TES: variants seen among roughly 807,000 people sequenced by gnomAD.
TES encodes testin LIM domain protein, also known as testin.
A neutral mutation model predicts 48.2 loss-of-function variants in TES; 41 were observed. The ratio of observed to expected loss-of-function variants is 0.85; its 90% CI spans 0.66 to 1.10. TES has a LOEUF of 1.10. TES is among the 50% of genes least tolerant of loss of function. The probability of loss-of-function intolerance (pLI) is 0.00; values close to 1 mark genes in which losing one functional copy is unlikely to be tolerated. For missense variants in TES, 463 were observed against 515.1 expected, an observed-to-expected ratio of 0.90 and a Z score of 0.98; for synonymous variants, 162 against 174.9, an observed-to-expected ratio of 0.93 and a Z score of 0.58.
intron 1 of TES, among the ~76,000 whole-genome samples, chr7:116,226,206 T>C (rs1293521333): frequency 1.3e-5 from 2 of 152,240 alleles, no homozygotes; most frequent in African/African-American, 4.8e-5. Flanking sequence ...TCTAGCACTA[T>C]TGTAAATCTC....
At chr7:116,251,679 T>C (rs1450806130) in intron 4 of TES, 81 bp from the exon 5 acceptor site, 1 of 1,281,358 alleles carries the variant, frequency 7.8e-7, no homozygotes, top group Non-Finnish European at 1.1e-6. Context: ...TGAGACTCAG[T>C]CTCAAAAAAA....
intron 1 of TES, chr7:116,211,458 A>T (rs1181924695): frequency 6.6e-6 from 1 of 152,252 alleles, no homozygotes; most frequent in African/African-American, 2.4e-5. Flanking sequence ...CAGGCACTGG[A>T]ACCGACGGCC....
intron 1 of TES, among the ~76,000 whole-genome samples, chr7:116,228,998 CTATATATATATATATATA>C (rs58514364): frequency 9.1e-6 from 1 of 110,158 alleles, no homozygotes; most frequent in Non-Finnish European, 1.8e-5. Flanking sequence ...GTATCTATAA[CTATATATATATATATATA>C]TATATATATA....
intron 6 of TES, among the ~76,000 whole-genome samples, chr7:116,253,674 C>T (rs1244747302): frequency 6.6e-6 from 1 of 152,082 alleles, no homozygotes; most frequent in Non-Finnish European, 1.5e-5. Flanking sequence ...TTTGCTTACT[C>T]CTAATAGTTT....
intron 6 of TES, among the ~76,000 whole-genome samples, chr7:116,256,990 C>T (rs1800109032): frequency 6.6e-6 from 1 of 152,154 alleles, no homozygotes; most frequent in South Asian, 2.1e-4. Flanking sequence ...TAAAATACAT[C>T]AGAACTAAGC....
chr7:116,242,984 C>T (rs1799869578), intron 2 of TES, among the ~76,000 whole-genome samples: 4 of 151,874 alleles, frequency 2.6e-5, no homozygotes, highest in Admixed American at 6.6e-5. Context: ...TGGGTTTGTT[C>T]CCCCCATGCC....
intron 4 of TES, 64 bp from the exon 5 acceptor site, chr7:116,251,693 AAAG>A (rs879096913): frequency 5.0e-3 from 5,309 of 1,066,322 alleles, no homozygotes; most frequent in East Asian, 0.036. Flanking sequence ...AAAAAAAAAA[AAAG>A]AAAGAAAGAA....
chr7:116,249,169 A>T lies in TES; in HGVS notation c.263A>T (p.Lys88Ile). ...AAGTCAGATGGAATTCCCATGTATA[A>T]ACGCAATGTTATGATATTGACGAAT... is the stretch of plus-strand genomic sequence containing the variant. Reference protein sequence around the residue: ...KLKSDGIPMYKRNVMILTNPV... With the variant: ...KLKSDGIPMYIRNVMILTNPV... Residue 88 changes from lysine (K) to isoleucine (I), a missense_variant, in exon 3 of 7, where the codon AAA (lysine) becomes ATA (isoleucine). By Grantham distance (102) the Lys-to-Ile change is moderately radical. Coordinates refer to ENST00000358204, the MANE Select transcript of TES (RefSeq NM_015641.4). 1 of 1,614,122 alleles carries T rather than the reference A, an allele frequency of 6.2e-7. No individual in the cohort carries two copies. The highest frequency in any genetic ancestry group is 8.5e-7 in the Non-Finnish European group (1 of 1,179,984).
chr7:116,210,597 C>T lies in TES; in HGVS notation c.-111C>T, dbSNP rs960375166. On this transcript the variant is annotated 5_prime_UTR_variant, in exon 1 of 7. Transcript: ENST00000358204. ...CGCCGGGCGAGTGGCTGTTGAGCGG[C>T]GCCGCGGGAGTTCCGCAGGTTTCCC... 1.7e-6 allele frequency: 2 copies of T among 1,172,416 alleles called. No individual in the cohort carries two copies. Among genetic ancestry groups the T allele is most frequent in the Admixed American group, 4.3e-5 (1 of 23,424 alleles). 72.6% of individuals were successfully genotyped at this position (1,172,416 alleles called of 1,614,324 possible).
At chr7:116,230,585 CCT>C (rs1799685087) in intron 1 of TES, among the ~76,000 whole-genome samples, 1 of 152,210 alleles carries the variant, frequency 6.6e-6, no homozygotes, top group African/African-American at 2.4e-5. Context: ...CCCCTGTTGC[CCT>C]GTGGCTTTCC....
chr7:116,226,717 C>T (rs1252309967), intron 1 of TES, among the ~76,000 whole-genome samples: 2 of 152,152 alleles, frequency 1.3e-5, no homozygotes, highest in South Asian at 2.1e-4. Context: ...TGAACATGAA[C>T]ACTCGAGTGC....
intron 5 of TES, 54 bp from the exon 6 acceptor site, chr7:116,252,264 G>A (rs1485009230): frequency 6.5e-7 from 1 of 1,527,992 alleles, no homozygotes; most frequent in East Asian, 2.4e-5. Context: ...TGTTGTTACA[G>A]ATATAAATCT....
At chr7:116,238,177 C>G (rs556857674) in intron 2 of TES, 1 of 152,344 alleles carries the variant, frequency 6.6e-6, no homozygotes, top group South Asian at 2.1e-4. Flanking sequence ...CTGGCACCTC[C>G]CATTGTCCCA....
At chr7:116,218,085 T>C in intron 1 of TES, 1 of 387,908 alleles carries the variant, frequency 2.6e-6, no homozygotes, top group Non-Finnish European at 5.1e-6. Context: ...GAGAGCGTTA[T>C]TAGAAGCCAG....
chr7:116,238,340 T>C (rs1799800133), intron 2 of TES: 2 of 152,148 alleles, frequency 1.3e-5, no homozygotes, highest in Admixed American at 1.3e-4. Context: ...AGACTAAAAA[T>C]TAATTATTAG....
chr7:116,225,405 A>C (rs898714720), intron 1 of TES, among the ~76,000 whole-genome samples: 3 of 152,190 alleles, frequency 2.0e-5, no homozygotes, highest in Non-Finnish European at 4.4e-5. Flanking sequence ...ATGTAGGGAT[A>C]GATTGAGTAG....
chr7:116,251,794 G>C lies in TES; in HGVS notation c.737G>C (p.Gly246Ala). The C allele has an allele frequency of 6.2e-7, 1 of 1,614,202 alleles. No individual in the cohort carries two copies. The change falls in exon 5 of 7, where the codon GGT becomes GCT. Residue 246 changes from glycine to alanine, a missense_variant. By Grantham distance (60) the Gly-to-Ala change is moderately conservative (BLOSUM62 0). Coordinates refer to ENST00000358204, the MANE Select transcript of TES (RefSeq NM_015641.4). Reference sequence around the variant, plus strand: ...TGCTGCAAACTGAGTATGAAAGAAGGTGACCCAGCCATCTATGCCGAAAGG... The same window carrying C: ...TGCTGCAAACTGAGTATGAAAGAAGCTGACCCAGCCATCTATGCCGAAAGG... Reference protein sequence around the residue: ...CYCCKLSMKEGDPAIYAERAG... With the variant: ...CYCCKLSMKEADPAIYAERAG...
At chr7:116,224,201 T>G (rs1008517018) in intron 1 of TES, among the ~76,000 whole-genome samples, 30 of 152,182 alleles carry the variant, frequency 2.0e-4, no homozygotes, top group African/African-American at 7.2e-4. Context: ...TGACCCCGAT[T>G]GCAAACTTGT....
At chr7:116,241,261 T>C (rs1563011446) in intron 2 of TES, among the ~76,000 whole-genome samples, 1 of 152,214 alleles carries the variant, frequency 6.6e-6, no homozygotes, top group Non-Finnish European at 1.5e-5. Context: ...TGTGGGAGAC[T>C]CAAATATAAA....
Sources: allele counts gnomAD v4.1 joint callset (sites outside exome capture counted in the v4.1 genomes callset), GRCh38; gene constraint gnomAD v4.1.1; transcripts MANE v1.5; gene names NCBI Gene and HGNC (gene_info 2026-07-23, HGNC 2026-07-21).